Variants in GLYR1 observed in about 807,000 individuals in gnomAD.
The protein encoded by GLYR1 is glyoxylate reductase 1 homolog, also known as cytokine-like nuclear factor N-PAC.
A neutral mutation model predicts 72.7 loss-of-function variants in GLYR1; 21 were observed. The ratio of observed to expected loss-of-function variants is 0.29; its 90% confidence interval spans 0.20 to 0.42. The LOEUF is 0.42. GLYR1 is among the 10% of genes least tolerant of loss of function. The probability of loss-of-function intolerance (pLI) is 1.00; values close to 1 mark genes in which losing one functional copy is unlikely to be tolerated. For missense variants in GLYR1, 594 were observed against 712.1 expected, an observed-to-expected ratio of 0.83 and a Z score of 1.89; for synonymous variants, 392 against 270.2, an observed-to-expected ratio of 1.45 and a Z score of -4.42.
chr16:4,820,954 C>A (rs1348914661), intron 9 of GLYR1, among the ~76,000 whole-genome samples: 1 of 152,232 alleles, frequency 6.6e-6, no homozygotes, highest in Admixed American at 6.5e-5. Flanking sequence ...AATTTTGGGG[C>A]CTCATCATGA....
At chr16:4,816,058 C>A (rs1475731655) in intron 10 of GLYR1, among the ~76,000 whole-genome samples, 2 of 152,158 alleles carry the variant, frequency 1.3e-5, no homozygotes, top group African/African-American at 4.8e-5. Context: ...CATGAGCCAC[C>A]GCACCCGGCC....
At chr16:4,811,376 T>C in intron 14 of GLYR1, 82 bp from the exon 15 acceptor site, 9 of 1,566,396 alleles carry the variant, frequency 5.7e-6, no homozygotes, top group Non-Finnish European at 6.1e-6. Flanking sequence ...TGTCAGTACC[T>C]AAAACATACT....
chr16:4,812,460 G>T (rs955200097), intron 12 of GLYR1, among the ~76,000 whole-genome samples: 6 of 151,936 alleles, frequency 3.9e-5, no homozygotes, highest in African/African-American at 1.5e-4. Flanking sequence ...GTGATGAGAC[G>T]CTGGGGTCTC....
chr16:4,814,690 C>T lies in GLYR1; in HGVS notation c.907-43G>A, dbSNP rs759871363. ...CCTAACGTGAGCTGCAGGCAGTGCA[C>T]AACAAACATGCCAGCCAGGCCAGAG... is the stretch of plus-strand genomic sequence containing the variant. On this transcript the variant is annotated intron_variant, in intron 10 of 15. Transcript: ENST00000321919. 11 of 1,447,562 alleles carry T rather than the reference C, an allele frequency of 7.6e-6. No homozygotes were observed. The South Asian group carries it at 1.3e-4, about 17-fold the overall frequency. 89.7% of individuals were successfully genotyped at this position (1,447,562 alleles called of 1,614,324 possible).
Position 4,813,801 on chromosome 16 carries a change from C to T in GLYR1, c.1055G>A (p.Arg352His), listed in dbSNP as rs1419637045. ...CATGTCCACGTAGCACTTCCCAGGG[C>T]GGATCCCTTGCAGCACACCACTGGG... Reference protein sequence around the residue: ...LGPSGVLQGIRPGKCYVDMST... With the variant: ...LGPSGVLQGIHPGKCYVDMST... The change falls in exon 12 of 16, where the codon CGC becomes CAC. Residue 352 changes from arginine to histidine, a missense_variant. Arg to His is a conservative substitution (Grantham distance 29). This residue lies in a region of GLYR1 where 266 missense variants were observed against 358.4 expected (regional missense o/e 0.74). Transcript: ENST00000321919. The T allele has an allele frequency of 9.9e-6, 16 of 1,612,916 alleles. No individual in the cohort carries two copies. The highest frequency in any genetic ancestry group is 1.4e-5 in the Non-Finnish European group (16 of 1,179,588).
Position 4,812,314 on chromosome 16 carries a change from G to C in GLYR1, c.1120-66C>G, listed in dbSNP as rs1354184892. ...CCAGCGCTCTCTGGGCAGGACTCAA[G>C]GAGTGTTGCTGAGTGGCCACGGCTG... On this transcript the variant is annotated intron_variant, in intron 12 of 15. Transcript: ENST00000321919. 2.0e-6 allele frequency: 3 copies of C among 1,538,176 alleles called. No homozygotes were observed. The East Asian group carries it at 6.9e-5, about 35-fold the overall frequency.
chr16:4,821,462 A>G lies in GLYR1; in HGVS notation c.733-9T>C, dbSNP rs763626026. ...GAGGTGGAGCCAGTTTCCTACGGACAGGAAGCACACATCATCAAGTCAGTC... is the reference window on the plus strand; with the variant it reads ...GAGGTGGAGCCAGTTTCCTACGGACGGGAAGCACACATCATCAAGTCAGTC... On this transcript the variant is annotated splice_polypyrimidine_tract_variant and intron_variant, in intron 8 of 15. Coordinates refer to ENST00000321919, the MANE Select transcript of GLYR1 (RefSeq NM_032569.4). 6.2e-7 allele frequency: 1 copy of G among 1,614,156 alleles called. No individual in the cohort carries two copies. The highest frequency in any genetic ancestry group is 1.1e-5 in the South Asian group (1 of 91,084).
Position 4,822,865 on chromosome 16 carries a change from G to C in GLYR1, c.681+10C>G, listed in dbSNP as rs2084128153. On this transcript the variant is annotated intron_variant, in intron 7 of 15. Coordinates refer to ENST00000321919, the MANE Select transcript of GLYR1 (RefSeq NM_032569.4). ...CTGACCAAGGGCCAAGAGCCTCAAA[G>C]GCAACTCACCTTCTCTGTTTGGCTT... 3.7e-6 allele frequency: 6 copies of C among 1,613,334 alleles called. No homozygotes were observed. The East Asian group carries it at 8.9e-5, about 24-fold the overall frequency.
At chr16:4,814,850 C>G (rs766696103) in intron 10 of GLYR1, among the ~76,000 whole-genome samples, 3 of 152,126 alleles carry the variant, frequency 2.0e-5, no homozygotes, top group Non-Finnish European at 2.9e-5. Flanking sequence ...TTTTGCATGA[C>G]GAGTGCCTAG....
intron 12 of GLYR1, 96 bp from the exon 13 acceptor site, chr16:4,812,344 T>G: frequency 7.4e-7 from 1 of 1,350,918 alleles, no homozygotes; most frequent in South Asian, 1.4e-5. Flanking sequence ...CGGCTGCTCA[T>G]CACCTTCCAG....
chr16:4,832,452 T>C, intron 4 of GLYR1: 2 of 603,024 alleles, frequency 3.3e-6, no homozygotes, highest in Non-Finnish European at 2.9e-6. Flanking sequence ...GATTTAAATC[T>C]AGGCAGTATA....
intron 10 of GLYR1, among the ~76,000 whole-genome samples, chr16:4,816,428 C>T (rs2083647196): frequency 6.6e-6 from 1 of 152,070 alleles, no homozygotes; most frequent in Admixed American, 6.6e-5. Context: ...TAGGTGTGAG[C>T]CTATTCTTAG....
chr16:4,815,579 T>TA (rs1399536834), intron 10 of GLYR1, among the ~76,000 whole-genome samples: 4 of 152,186 alleles, frequency 2.6e-5, no homozygotes, highest in African/African-American at 7.2e-5. Context: ...ACAAATAGAA[T>TA]AAAACAGGTT....
At chr16:4,825,059 G>T (rs955351276) in intron 5 of GLYR1, among the ~76,000 whole-genome samples, 6 of 152,072 alleles carry the variant, frequency 3.9e-5, no homozygotes, top group Admixed American at 1.3e-4. Flanking sequence ...CCTAAGCTCA[G>T]GCCACCTGGA....
intron 5 of GLYR1, among the ~76,000 whole-genome samples, chr16:4,828,261 G>T (rs1055545422): frequency 6.6e-6 from 1 of 151,810 alleles, no homozygotes; most frequent in Admixed American, 6.6e-5. Flanking sequence ...AGTAGAGACG[G>T]GGTTTCACCG....
chr16:4,811,889 C>T, intron 13 of GLYR1, 87 bp from the exon 14 acceptor site: 1 of 1,490,184 alleles, frequency 6.7e-7, no homozygotes, highest in Non-Finnish European at 9.0e-7. Context: ...TCAGACCCAC[C>T]TCTCTCCAGG....
chr16:4,819,264 C>T (rs951937034), intron 9 of GLYR1, among the ~76,000 whole-genome samples: 6 of 152,138 alleles, frequency 3.9e-5, no homozygotes, highest in African/African-American at 1.4e-4. Context: ...CCTCTCACCT[C>T]AGCCTCCCAA....
In GLYR1 at chr16:4,830,926, T is replaced by C. The variant is rs113476291; in HGVS notation, c.537+1053A>G. ...ACCCATTCCACTGCCCGGACTCAAC[T>C]ACCCTTTTACAAATTCACCTCCCAA... On this transcript the variant is annotated intron_variant, in intron 5 of 15. Transcript: ENST00000321919. 8.2e-3 allele frequency among the ~76,000 whole-genome samples: 1,250 copies of C among 152,198 alleles called. 27 individuals are homozygous for C. The highest frequency in any genetic ancestry group is 0.029 in the African/African-American group (1,200 of 41,538).
At position 4,832,053 on chromosome 16, in the gene GLYR1, C is replaced by T. The variant is rs2142015244; in HGVS notation, c.463G>A (p.Gly155Ser). 6.2e-7 allele frequency: 1 copy of T among 1,614,200 alleles called. No homozygotes were observed. The highest frequency in any genetic ancestry group is 1.3e-5 in the African/African-American group (1 of 75,050). The change falls in exon 5 of 16, where the codon GGC (glycine) becomes AGC (serine). Residue 155 changes from glycine to serine, a missense_variant. Physicochemically the swap from Gly to Ser is moderately conservative, Grantham distance 56 (BLOSUM62 0). This residue lies in a region of GLYR1 where 252 missense variants were observed against 211.3 expected (regional missense o/e 1.19). Transcript: ENST00000321919. The part of the protein sequence containing the change: ...KRVSSGSSER[G>S]SKSPLKRAQE... ...GCTCTTTTCAGAGGGGATTTGGAGCCTCTCTCTGAAGAGCCTGAAGACACC... is the reference window on the plus strand; with the variant it reads ...GCTCTTTTCAGAGGGGATTTGGAGCTTCTCTCTGAAGAGCCTGAAGACACC...
Sources: allele counts gnomAD v4.1 joint callset (sites outside exome capture counted in the v4.1 genomes callset), GRCh38; gene constraint gnomAD v4.1.1; regional missense constraint gnomAD v4.1.1; transcripts MANE v1.5; gene names NCBI Gene and HGNC (gene_info 2026-07-23, HGNC 2026-07-21).